AOPEP: variants seen among roughly 807,000 people sequenced by gnomAD.
The protein encoded by AOPEP is aminopeptidase O.
A neutral mutation model predicts 98.1 loss-of-function variants in AOPEP; 77 were observed. That is an observed-to-expected ratio of 0.78 (90% confidence interval 0.65 to 0.95). AOPEP has a LOEUF of 0.95. Ranked by LOEUF, AOPEP falls within the 40% of genes least tolerant of loss-of-function variation. AOPEP has a pLI of 0.00. For synonymous variants in AOPEP, 346 were observed against 365.3 expected (o/e 0.95, Z 0.60); for missense variants, 1,024 against 1,024.7 (o/e 1.00, Z 0.01).
chr9:95,102,602 T>G, the AOPEP span, among the ~76,000 whole-genome samples: 1 of 152,180 alleles, frequency 6.6e-6, no homozygotes, highest in Admixed American at 6.5e-5. Flanking sequence ...CGCAAATGTT[T>G]AATTAGCCAG....
chr9:95,120,867 C>G, the AOPEP span, among the ~76,000 whole-genome samples: 1 of 151,644 alleles, frequency 6.6e-6, no homozygotes, highest in African/African-American at 2.4e-5. Context: ...TTCTTTTTTC[C>G]CCTCAATTTT....
intron 5 of AOPEP, among the ~76,000 whole-genome samples, chr9:94,880,606 T>C (rs2047466527): frequency 6.6e-6 from 1 of 152,182 alleles, no homozygotes; most frequent in Admixed American, 6.5e-5. Context: ...TCTGCCTGCC[T>C]TGGCATCCCA....
At chr9:94,789,348 T>A (rs1454854159) in intron 3 of AOPEP, among the ~76,000 whole-genome samples, 1 of 152,240 alleles carries the variant, frequency 6.6e-6, no homozygotes, top group Non-Finnish European at 1.5e-5. Context: ...GCCAAGGGTC[T>A]GAATTTTTAA....
Position 94,808,266 on chromosome 9 carries a change from C to T in AOPEP, c.1364+7264C>T, listed in dbSNP as rs191066386. 8.5e-4 allele frequency among the ~76,000 whole-genome samples: 129 copies of T among 152,296 alleles called. 4 individuals carry two copies. In the East Asian group the frequency reaches 0.024, roughly 28 times the overall value. On this transcript the variant is annotated intron_variant, in intron 5 of 16. Transcript: ENST00000375315. ...TGTTGCCCAGGCTGGTCACGAACTC[C>T]TGAGCTCAGGCAGTCCACCTGCCTC...
At chr9:94,946,223 A>C (rs966290039) in intron 7 of AOPEP, among the ~76,000 whole-genome samples, 13 of 152,242 alleles carry the variant, frequency 8.5e-5, no homozygotes, top group Non-Finnish European at 1.6e-4. Context: ...GCAAGGCCAA[A>C]GCTATGTAGC....
intron 5 of AOPEP, among the ~76,000 whole-genome samples, chr9:94,819,754 A>G (rs1362489133): frequency 1.3e-5 from 2 of 148,830 alleles, no homozygotes; most frequent in Non-Finnish European, 3.0e-5. Context: ...TTTTTTTTTC[A>G]TAGAGACGGG....
chr9:94,792,521 G>A (rs1304983889), intron 3 of AOPEP, among the ~76,000 whole-genome samples: 2 of 152,018 alleles, frequency 1.3e-5, no homozygotes, highest in Admixed American at 6.5e-5. Flanking sequence ...CCACCCTCAC[G>A]TGAAGGGCTT....
intron 5 of AOPEP, among the ~76,000 whole-genome samples, chr9:94,838,116 C>T (rs1386697837): frequency 6.6e-6 from 1 of 152,078 alleles, no homozygotes; most frequent in Non-Finnish European, 1.5e-5. Context: ...TCACGCCATT[C>T]TCCTGCCTCA....
chr9:94,757,489 G>C (rs139458051), intron 1 of AOPEP, among the ~76,000 whole-genome samples: 3 of 152,234 alleles, frequency 2.0e-5, no homozygotes, highest in African/African-American at 7.2e-5. Context: ...CTGCTAACAG[G>C]CTTGAGTGGA....
At chr9:94,838,972 G>A (rs1464367797) in intron 5 of AOPEP, among the ~76,000 whole-genome samples, 4 of 142,688 alleles carry the variant, frequency 2.8e-5, no homozygotes, top group South Asian at 2.2e-4. Context: ...GTGCAGTGGC[G>A]CAATCTCGGC....
chr9:94,782,608 G>C (rs1843542822), intron 3 of AOPEP, among the ~76,000 whole-genome samples: 1 of 152,208 alleles, frequency 6.6e-6, no homozygotes, highest in African/African-American at 2.4e-5. Context: ...AATTACGTAT[G>C]AGGAAATGGT....
chr9:94,902,461 T>A (rs189738258), intron 5 of AOPEP, among the ~76,000 whole-genome samples: 47 of 152,314 alleles, frequency 3.1e-4, no homozygotes, highest in Admixed American at 1.6e-3. Context: ...AGCATAAGAA[T>A]GTATTGTATC....
chr9:95,129,127 T>C, the AOPEP span, among the ~76,000 whole-genome samples: 1 of 152,034 alleles, frequency 6.6e-6, no homozygotes, highest in East Asian at 1.9e-4. Flanking sequence ...GGTCTCGATC[T>C]CCTGACCTCA....
chr9:94,843,619 A>G (rs964118549), intron 5 of AOPEP, among the ~76,000 whole-genome samples: 8 of 152,250 alleles, frequency 5.3e-5, no homozygotes, highest in African/African-American at 1.9e-4. Context: ...AGGACCAGAT[A>G]TAGAATGCCC....
chr9:94,786,892 C>T (rs1379200179), intron 3 of AOPEP, among the ~76,000 whole-genome samples: 1 of 152,160 alleles, frequency 6.6e-6, no homozygotes, highest in African/African-American at 2.4e-5. Context: ...ATTTGACTGT[C>T]ACTTGGTAGC....
At chr9:95,077,218 G>A (rs574193673) in intron 14 of AOPEP, among the ~76,000 whole-genome samples, 5 of 152,302 alleles carry the variant, frequency 3.3e-5, no homozygotes, top group South Asian at 4.1e-4. Flanking sequence ...TCCTAGGCAC[G>A]GGACAGCACA....
chr9:94,936,206 G>A (rs1426848771), intron 7 of AOPEP, among the ~76,000 whole-genome samples: 1 of 152,024 alleles, frequency 6.6e-6, no homozygotes, highest in Non-Finnish European at 1.5e-5. Context: ...CCACCTCCTT[G>A]CTAAAACTCT....
At chr9:95,066,076 C>A (rs10512253) in intron 14 of AOPEP, among the ~76,000 whole-genome samples, 119,316 of 152,190 alleles carry the variant, frequency 0.78, 48,262 homozygotes, top group Non-Finnish European at 0.89. Flanking sequence ...TATCTTTTTA[C>A]ACCATCTGCT....
chr9:95,139,184 T>A, the AOPEP span, among the ~76,000 whole-genome samples: 7 of 152,102 alleles, frequency 4.6e-5, no homozygotes, highest in Non-Finnish European at 5.9e-5. Context: ...AAATGGCCGA[T>A]AAAAATGTGC....
Sources: allele counts gnomAD v4.1 joint callset (sites outside exome capture counted in the v4.1 genomes callset), GRCh38; gene constraint gnomAD v4.1.1; transcripts MANE v1.5; gene names NCBI Gene and HGNC (gene_info 2026-07-23, HGNC 2026-07-21).